Variants in PCDHGA7 observed in about 807,000 individuals in gnomAD.
PCDHGA7 encodes the protein protocadherin gamma subfamily A, 7, also known as protocadherin gamma-A7.
In PCDHGA7, 44 loss-of-function variants were observed where a neutral mutation model predicts 58.3. The observed-to-expected ratio is 0.75, with a 90% CI of 0.59 to 0.97. The LOEUF (loss-of-function observed/expected upper bound fraction) is 0.97, where lower values mean the gene tolerates loss of function less well. PCDHGA7 is among the 50% of genes least tolerant of loss of function. PCDHGA7 has a pLI of 0.00. For synonymous variants in PCDHGA7, 516 were observed against 504.2 expected, an observed-to-expected ratio of 1.02 and a Z score of -0.31; for missense variants, 1,266 against 1,188.7, an observed-to-expected ratio of 1.06 and a Z score of -0.96.
chr5:141,512,068 C>T lies in PCDHGA7; in HGVS notation c.*895C>T, dbSNP rs1215311369. 6.6e-6 allele frequency: 1 copy of T among 152,664 alleles called. No individual in the cohort carries two copies. The highest frequency in any genetic ancestry group is 1.5e-5 in the Non-Finnish European group (1 of 68,066). The allele number at this position is 152,664 out of a possible 1,614,324, so 9.5% of individuals were successfully genotyped here. On this transcript the variant is annotated 3_prime_UTR_variant, in exon 4 of 4. Transcript: ENST00000518325. The stretch of plus-strand genomic sequence containing the variant: ...TCCTCAGGGGACTGACAACATCCTC[C>T]AGATTCCAGCCATAAACCAATAACT...
At chr5:141,415,754 T>TTG in intron 1 of PCDHGA7, 4 of 1,385,736 alleles carry the variant, frequency 2.9e-6, no homozygotes, top group South Asian at 1.7e-5. Flanking sequence ...TTTTTTTTTT[T>TTG]TTTTTTTTTT....
Position 141,476,464 on chromosome 5 carries a change from G to A in PCDHGA7, c.2425-18343G>A, listed in dbSNP as rs745664477. On this transcript the variant is annotated intron_variant, in intron 1 of 3. Transcript: ENST00000518325. This position sits in a 1 kb window ranked among gnomAD's most constrained non-coding sequence, Gnocchi z 7.6. ...TGGAGTTGGTAGTGGAGAACCCGCT[G>A]GAGCTGTTCAGCGTGGAAGTGGTGA... 3 of 1,614,140 alleles carry A rather than the reference G, an allele frequency of 1.9e-6. No homozygotes were observed. Among genetic ancestry groups the A allele is most frequent in the Non-Finnish European group, 2.5e-6 (3 of 1,180,014 alleles).
chr5:141,415,409 TG>T (rs763291157), intron 1 of PCDHGA7: 1 of 1,614,208 alleles, frequency 6.2e-7, no homozygotes, highest in Non-Finnish European at 8.5e-7. Context: ...TCGCACTTTG[TG>T]GGCGTGGACG....
In PCDHGA7 at chr5:141,493,930, A is replaced by G. The variant is rs547125826; in HGVS notation, c.2425-877A>G. Among the ~76,000 whole-genome samples the G allele has an allele frequency of 6.6e-6, 1 of 152,268 alleles. No homozygotes were observed. The highest frequency in any genetic ancestry group is 6.5e-5 in the Admixed American group (1 of 15,300). ...TGTGATGGGATAACACACCCCCTGG[A>G]AAGACCAGAAGGGACTCAGGAATGA... On this transcript the variant is annotated intron_variant, in intron 1 of 3. Transcript: ENST00000518325. This position sits in a 1 kb window ranked among gnomAD's most constrained non-coding sequence, Gnocchi z 4.3.
chr5:141,441,813 A>T, intron 1 of PCDHGA7: 1 of 365,242 alleles, frequency 2.7e-6, no homozygotes, highest in South Asian at 2.3e-5. Context: ...GCTGTACCCC[A>T]GCTCTGGAGC....
In PCDHGA7 at chr5:141,457,578, C is replaced by T. The variant is rs538068150; in HGVS notation, c.2425-37229C>T. Among the ~76,000 whole-genome samples, 38 of 152,304 alleles carry T rather than the reference C, an allele frequency of 2.5e-4. No individual in the cohort carries two copies. The South Asian group carries it at 7.7e-3, about 31-fold the overall frequency. ...AGCTTTGGAGCAAAATTTTTCTCTC[C>T]AGTCCTCATTTTTGGTAAAAACTAA... On this transcript the variant is annotated intron_variant, in intron 1 of 3. Coordinates refer to ENST00000518325, the MANE Select transcript of PCDHGA7 (RefSeq NM_018920.4).
chr5:141,395,254 G>T, intron 1 of PCDHGA7: 1 of 1,556,766 alleles, frequency 6.4e-7, no homozygotes, highest in Non-Finnish European at 8.7e-7. Context: ...TTAGTTCTTT[G>T]CTTGCTTTTA....
At chr5:141,469,896 C>T (rs934040636) in intron 1 of PCDHGA7, among the ~76,000 whole-genome samples, 4 of 152,074 alleles carry the variant, frequency 2.6e-5, no homozygotes, top group Admixed American at 6.5e-5. Context: ...TTTGGGAAGC[C>T]GAGGCAGGCA....
At chr5:141,474,156 A>T (rs1387216017) in intron 1 of PCDHGA7, among the ~76,000 whole-genome samples, 1 of 152,244 alleles carries the variant, frequency 6.6e-6, no homozygotes, top group Non-Finnish European at 1.5e-5. Context: ...CAAGAAAATG[A>T]CAGGCCTTAT....
chr5:141,452,749 G>A (rs1453824335), intron 1 of PCDHGA7, among the ~76,000 whole-genome samples: 1 of 152,052 alleles, frequency 6.6e-6, no homozygotes, highest in African/African-American at 2.4e-5. Flanking sequence ...AGAGAAGGAA[G>A]AAGGAAGGGA....
chr5:141,400,027 G>A, intron 1 of PCDHGA7: 20 of 1,612,664 alleles, frequency 1.2e-5, no homozygotes, highest in Non-Finnish European at 1.7e-5. Flanking sequence ...CAGGGACGCG[G>A]CCCGCCAGCG....
intron 1 of PCDHGA7, among the ~76,000 whole-genome samples, chr5:141,479,107 G>A (rs1212999480): frequency 6.6e-6 from 1 of 152,090 alleles, no homozygotes; most frequent in Non-Finnish European, 1.5e-5. Flanking sequence ...TTTATTTCAA[G>A]CATTCTACTG....
At chr5:141,460,961 A>ATATGTGTG (rs1463306338) in intron 1 of PCDHGA7, among the ~76,000 whole-genome samples, 3 of 144,556 alleles carry the variant, frequency 2.1e-5, no homozygotes, top group African/African-American at 7.8e-5. Context: ...GTATATATAT[A>ATATGTGTG]TGTGTGTGTG....
chr5:141,451,322 T>C (rs1452969719), intron 1 of PCDHGA7, among the ~76,000 whole-genome samples: 1 of 152,236 alleles, frequency 6.6e-6, no homozygotes, highest in African/African-American at 2.4e-5. Flanking sequence ...AAGTGTCACC[T>C]AAGGCTATTG....
intron 1 of PCDHGA7, chr5:141,415,377 C>T (rs774655293): frequency 1.2e-6 from 2 of 1,614,118 alleles, no homozygotes; most frequent in African/African-American, 2.7e-5. Flanking sequence ...CTTCAGGAGG[C>T]GGCTTGACAG....
rs1213653891 is a variant in PCDHGA7 at position 141,419,687 on chromosome 5, C to T, written c.2424+34364C>T. 1.9e-6 allele frequency: 3 copies of T among 1,612,692 alleles called. No individual in the cohort carries two copies. In the African/African-American group the frequency reaches 4.0e-5, roughly 22 times the overall value. On this transcript the variant is annotated intron_variant, in intron 1 of 3. Transcript: ENST00000518325. ...TGCCTGGCTGTCCTACCACGTGGTG[C>T]AGGCCAGTGAGCCCGGGCTCTTCAG...
Position 141,397,950 on chromosome 5 carries a change from G to T in PCDHGA7, c.2424+12627G>T, listed in dbSNP as rs142142786. 7.7e-4 allele frequency: 722 copies of T among 938,408 alleles called. 6 individuals carry two copies. The African/African-American group carries it at 0.01, about 13-fold the overall frequency. 58.1% of individuals were successfully genotyped at this position (938,408 alleles called of 1,614,324 possible). A position where few individuals can be genotyped will look rare whatever the true frequency, so the allele number is the denominator to read the frequency against. On this transcript the variant is annotated intron_variant, in intron 1 of 3. Transcript: ENST00000518325. ...CAGCCGCAGCGCGCTTTCCAGGGCA[G>T]CCCCAGCTCAGACTCCCCAGCGCCG... is the stretch of plus-strand genomic sequence containing the variant.
Position 141,419,336 on chromosome 5 carries a change from G to A in PCDHGA7, c.2424+34013G>A, listed in dbSNP as rs762064534. 6.8e-6 allele frequency: 11 copies of A among 1,613,772 alleles called. No individual in the cohort carries two copies. In the African/African-American group the frequency reaches 1.3e-4, roughly 20 times the overall value. ...CGGCCGTGTCTCCTACTCTCTCATT[G>A]CCAGCGACCTGGAGTCACGAACGCT... On this transcript the variant is annotated intron_variant, in intron 1 of 3. Coordinates refer to ENST00000518325, the MANE Select transcript of PCDHGA7 (RefSeq NM_018920.4).
chr5:141,397,949 A>AGCCCCAGCTCAGAC (rs1391996511), intron 1 of PCDHGA7: 1 of 916,660 alleles, frequency 1.1e-6, no homozygotes, highest in Non-Finnish European at 1.6e-6. Context: ...TTTCCAGGGC[A>AGCCCCAGCTCAGAC]GCCCCAGCTC....
Sources: allele counts gnomAD v4.1 joint callset (sites outside exome capture counted in the v4.1 genomes callset), GRCh38; gene constraint gnomAD v4.1.1; non-coding constraint Gnocchi (gnomAD v3.1); transcripts MANE v1.5; gene names NCBI Gene and HGNC (gene_info 2026-07-23, HGNC 2026-07-21).